Variants in C2CD5 observed in about 807,000 individuals in gnomAD.
C2CD5 encodes the protein C2 domain-containing protein 5.
A neutral mutation model predicts 130.3 loss-of-function variants in C2CD5; 109 were observed. The observed-to-expected ratio is 0.84, with a 90% CI of 0.72 to 0.98. The LOEUF (loss-of-function observed/expected upper bound fraction) is 0.98. C2CD5 is among the 50% of genes least tolerant of loss of function. The pLI, the probability that C2CD5 is intolerant of heterozygous loss-of-function variation, is 0.00. For synonymous variants in C2CD5, 454 were observed against 429.2 expected, an observed-to-expected ratio of 1.06 and a Z score of -0.71; for missense variants, 996 against 1,261.8, an observed-to-expected ratio of 0.79 and a Z score of 3.19.
chr12:22,454,029 C>G lies in C2CD5; in HGVS notation c.2891G>C (p.Ser964Thr). 2.5e-6 allele frequency: 4 copies of G among 1,613,368 alleles called. No homozygotes were observed. The highest frequency in any genetic ancestry group is 3.4e-6 in the Non-Finnish European group (4 of 1,179,526). Residue 964 changes from serine (S) to threonine (T), a missense_variant, in exon 26 of 27, where the codon AGT (serine) becomes ACT (threonine). Physicochemically the swap from Ser to Thr is moderately conservative, Grantham distance 58. Around this residue, in one of 9 missense-constraint regions of C2CD5, gnomAD observed 51 missense variants for 99.5 expected, o/e 0.51. Transcript: ENST00000446597. ...AGCAATAAAAGCATGGAGAAAACCA[C>G]TGACTCCTCCTTCCTAAATAATAGT... ...TTSLREEGGV[S>T]GFLHAFIAEV...
chr12:22,462,803 C>A (rs1442715809), intron 22 of C2CD5, among the ~76,000 whole-genome samples: 1 of 152,086 alleles, frequency 6.6e-6, no homozygotes, highest in Non-Finnish European at 1.5e-5. Flanking sequence ...GTAGGACATT[C>A]TGGCCAGGGG....
chr12:22,532,889 G>C (rs1181210319), intron 3 of C2CD5, among the ~76,000 whole-genome samples: 1 of 152,222 alleles, frequency 6.6e-6, no homozygotes, highest in Non-Finnish European at 1.5e-5. Flanking sequence ...ATAAGGGCCA[G>C]CATGAAATAG....
chr12:22,482,037 T>G (rs1944804628), intron 14 of C2CD5, among the ~76,000 whole-genome samples: 1 of 152,250 alleles, frequency 6.6e-6, no homozygotes. Flanking sequence ...TTGCTTTATC[T>G]TCTCCATCAA....
At chr12:22,533,095 C>CA (rs1260429783) in intron 3 of C2CD5, among the ~76,000 whole-genome samples, 3 of 151,216 alleles carry the variant, frequency 2.0e-5, no homozygotes, top group Non-Finnish European at 2.9e-5. Flanking sequence ...TGAAGAAGAA[C>CA]AAAAAAAGCA....
intron 12 of C2CD5, among the ~76,000 whole-genome samples, chr12:22,489,571 T>C (rs1247400012): frequency 6.6e-6 from 1 of 152,068 alleles, no homozygotes; most frequent in Admixed American, 6.6e-5. Context: ...GTGCATAGGT[T>C]ACATGCAAAT....
chr12:22,525,553 T>A, intron 5 of C2CD5, 57 bp downstream of exon 5: 1 of 861,908 alleles, frequency 1.2e-6, no homozygotes, highest in South Asian at 1.4e-5. Flanking sequence ...TTAACTTGAT[T>A]TCTCATATTT....
rs183408113 is a variant in C2CD5, at chr12:22,499,485, C to T, written c.1148-6148G>A. Among the ~76,000 whole-genome samples, 47 of 152,294 alleles carry T rather than the reference C, an allele frequency of 3.1e-4. 2 individuals are homozygous for T. Among genetic ancestry groups the T allele is most frequent in the African/African-American group, 1.1e-3 (44 of 41,556 alleles). Reference sequence around the variant, plus strand: ...TCTGTTTTGAGGATTAAATGGTCTACTATTATAAAGCACTTAAAAGAGTAC... The same window carrying T: ...TCTGTTTTGAGGATTAAATGGTCTATTATTATAAAGCACTTAAAAGAGTAC... On this transcript the variant is annotated intron_variant, in intron 10 of 26. Transcript: ENST00000446597.
In C2CD5 at chr12:22,448,804, T is replaced by A. The variant is rs1258947055; in HGVS notation, c.*956A>T. Reference sequence around the variant, plus strand: ...GGCGTCGACAGAAAAAGTCTTTCTATGTATACATTCAACATTTTGCAGCAT... The same window carrying A: ...GGCGTCGACAGAAAAAGTCTTTCTAAGTATACATTCAACATTTTGCAGCAT... On this transcript the variant is annotated 3_prime_UTR_variant, in exon 27 of 27. Transcript: ENST00000446597. 6.6e-6 allele frequency: 1 copy of A among 152,620 alleles called. No individual in the cohort carries two copies. The highest frequency in any genetic ancestry group is 1.5e-5 in the Non-Finnish European group (1 of 68,034). The allele number at this position is 152,620 out of a possible 1,614,324, so 9.5% of individuals were successfully genotyped here. A position where few individuals can be genotyped will look rare whatever the true frequency, so the allele number is the denominator to read the frequency against.
intron 12 of C2CD5, 48 bp downstream of exon 12, chr12:22,490,075 T>G: frequency 7.1e-7 from 1 of 1,408,660 alleles, no homozygotes; most frequent in Non-Finnish European, 1.0e-6. Context: ...AAAGTCGACC[T>G]CTCCCTTCTC....
At chr12:22,472,252 G>C (rs772156840) in intron 18 of C2CD5, 34 bp downstream of exon 18, 2 of 1,234,108 alleles carry the variant, frequency 1.6e-6, no homozygotes, top group South Asian at 2.7e-5. Flanking sequence ...TAACTTATGT[G>C]TTATGTGCTT....
At chr12:22,460,042 C>T (rs564932343) in intron 22 of C2CD5, among the ~76,000 whole-genome samples, 3 of 152,242 alleles carry the variant, frequency 2.0e-5, no homozygotes, top group South Asian at 2.1e-4. Flanking sequence ...CTTCTTCATT[C>T]GAAGACTTCG....
intron 2 of C2CD5, among the ~76,000 whole-genome samples, chr12:22,540,253 A>C (rs1335347461): frequency 6.6e-6 from 1 of 152,218 alleles, no homozygotes; most frequent in Non-Finnish European, 1.5e-5. Flanking sequence ...GTTTTAACAT[A>C]GGCGAGGCAC....
At chr12:22,516,481 A>T (rs1426765102) in intron 8 of C2CD5, among the ~76,000 whole-genome samples, 1 of 151,628 alleles carries the variant, frequency 6.6e-6, no homozygotes, top group Non-Finnish European at 1.5e-5. Context: ...AAAAATTTGG[A>T]GCCAGAAGAT....
rs1418462071 is a variant in C2CD5, at chr12:22,474,797, G to C, written c.1997C>G (p.Thr666Arg). The C allele has an allele frequency of 6.2e-7, 1 of 1,610,776 alleles. No homozygotes were observed. The highest frequency in any genetic ancestry group is 1.3e-5 in the African/African-American group (1 of 74,784). ...TTTCCCATGTGAAAGGTCTAATTCT[G>C]TAACTTCATCCGAGCTTTCTGATTG... ...RSQSESSDEV[T>R]ELDLSHGKKD... The change falls in exon 16 of 27, where the codon ACA (threonine) becomes AGA (arginine). Residue 666 changes from threonine (T) to arginine (R), a missense_variant. Around this residue, in one of 9 missense-constraint regions of C2CD5, gnomAD observed 590 missense variants for 631.4 expected, o/e 0.93. Transcript: ENST00000446597.
intron 9 of C2CD5, among the ~76,000 whole-genome samples, chr12:22,508,157 T>C (rs900036811): frequency 1.3e-5 from 2 of 152,174 alleles, no homozygotes; most frequent in South Asian, 2.1e-4. Flanking sequence ...CTATCAGTCC[T>C]GTGCACCTCA....
chr12:22,527,904 C>T lies in C2CD5; in HGVS notation c.178-12G>A, dbSNP rs368048185. 1.9e-6 allele frequency: 3 copies of T among 1,566,552 alleles called. No individual in the cohort carries two copies. The highest frequency in any genetic ancestry group is 1.4e-5 in the African/African-American group (1 of 73,080). On this transcript the variant is annotated splice_polypyrimidine_tract_variant and intron_variant, in intron 3 of 26. Coordinates refer to ENST00000446597, the MANE Select transcript of C2CD5 (RefSeq NM_001286176.2). Reference sequence around the variant, plus strand: ...TCTTCATCATCCACCTACAAGTATACCTTAAAATTAAAACTCATATAGTTT... The same window carrying T: ...TCTTCATCATCCACCTACAAGTATATCTTAAAATTAAAACTCATATAGTTT...
intron 10 of C2CD5, among the ~76,000 whole-genome samples, chr12:22,499,357 C>G (rs1217383484): frequency 6.6e-6 from 1 of 152,188 alleles, no homozygotes; most frequent in Non-Finnish European, 1.5e-5. Flanking sequence ...CCAGAGTACT[C>G]AGGTACAAAT....
chr12:22,469,199 A>G (rs956031505), intron 22 of C2CD5, among the ~76,000 whole-genome samples: 6 of 152,174 alleles, frequency 3.9e-5, no homozygotes, highest in South Asian at 2.1e-4. Context: ...AGTGTCTTAT[A>G]TAAGTACATA....
Position 22,544,381 on chromosome 12 carries a change from G to C in C2CD5, c.-91C>G, listed in dbSNP as rs1169343987. 3 of 429,630 alleles carry C rather than the reference G, an allele frequency of 7.0e-6. No homozygotes were observed. Among genetic ancestry groups the C allele is most frequent in the Non-Finnish European group, 8.2e-6 (2 of 243,412 alleles). The allele number at this position is 429,630 out of a possible 1,614,324, so 26.6% of individuals were successfully genotyped here. A position where few individuals can be genotyped will look rare whatever the true frequency, so the allele number is the denominator to read the frequency against. ...TGAGACCTCATTCCGGAGAGGCGGC[G>C]GGAGGAAGGGCTTTGATGGGTTCTT... On this transcript the variant is annotated 5_prime_UTR_variant, in exon 1 of 27. Coordinates refer to ENST00000446597, the MANE Select transcript of C2CD5 (RefSeq NM_001286176.2).
Sources: allele counts gnomAD v4.1 joint callset (sites outside exome capture counted in the v4.1 genomes callset), GRCh38; gene constraint gnomAD v4.1.1; regional missense constraint gnomAD v4.1.1; transcripts MANE v1.5; gene names NCBI Gene and HGNC (gene_info 2026-07-23, HGNC 2026-07-21).